The following RYK variants were observed in gnomAD, a reference collection of about 807,000 sequenced individuals.
RYK encodes the protein inactive tyrosine-protein kinase RYK.
Under a neutral mutation model 70.2 loss-of-function variants are expected in RYK, and 21 were observed. That is an observed-to-expected ratio of 0.30 (90% confidence interval 0.21 to 0.43). RYK has a LOEUF of 0.43. RYK is among the 20% of genes least tolerant of loss of function. The pLI is 1.00. For missense variants in RYK, 604 were observed against 753.3 expected, an observed-to-expected ratio of 0.80 and a Z score of 2.32; for synonymous variants, 267 against 278.0, an observed-to-expected ratio of 0.96 and a Z score of 0.39.
intron 1 of RYK, among the ~76,000 whole-genome samples, chr3:134,229,218 G>A (rs1471769522): frequency 6.6e-6 from 1 of 151,972 alleles, no homozygotes; most frequent in Admixed American, 6.6e-5. Flanking sequence ...CTGGGGCTCT[G>A]TCGCTCTTGC....
At chr3:134,177,580 T>G (rs545739103) in intron 11 of RYK, among the ~76,000 whole-genome samples, 9 of 152,320 alleles carry the variant, frequency 5.9e-5, no homozygotes, top group African/African-American at 2.2e-4. Context: ...TTTGGTATAG[T>G]ATGAACCAAA....
chr3:134,244,674 C>T (rs1220190749), intron 1 of RYK, among the ~76,000 whole-genome samples: 3 of 152,308 alleles, frequency 2.0e-5, no homozygotes, highest in South Asian at 2.1e-4. Flanking sequence ...TGTTTCAGAA[C>T]TTATACACTT....
At chr3:134,249,350 C>G (rs2015546901) in intron 1 of RYK, among the ~76,000 whole-genome samples, 1 of 152,142 alleles carries the variant, frequency 6.6e-6, no homozygotes, top group Non-Finnish European at 1.5e-5. Flanking sequence ...AATCTCAACA[C>G]ACCTCAACAA....
chr3:134,173,279 CAA>C (rs370721110), intron 13 of RYK, among the ~76,000 whole-genome samples: 1 of 125,842 alleles, frequency 7.9e-6, no homozygotes, highest in Admixed American at 7.9e-5. Context: ...GACTCTGTCT[CAA>C]AAAAAAAAAA....
At chr3:134,161,129 A>G (rs1397891606) in intron 13 of RYK, among the ~76,000 whole-genome samples, 2 of 152,226 alleles carry the variant, frequency 1.3e-5, no homozygotes, top group Non-Finnish European at 2.9e-5. Flanking sequence ...TTGACAGACT[A>G]TTTAAAGCAA....
chr3:134,224,237 G>A (rs2014819966), intron 1 of RYK, among the ~76,000 whole-genome samples: 1 of 152,124 alleles, frequency 6.6e-6, no homozygotes, highest in Admixed American at 6.5e-5. Context: ...AAGGGGGCAG[G>A]GTAAGGAGTG....
intron 3 of RYK, among the ~76,000 whole-genome samples, chr3:134,211,203 G>A (rs2107679465): frequency 6.6e-6 from 1 of 152,274 alleles, no homozygotes; most frequent in Middle Eastern, 3.4e-3. Context: ...CTGGGCCACA[G>A]GGTGAAATGT....
intron 1 of RYK, among the ~76,000 whole-genome samples, chr3:134,229,329 C>G (rs987254214): frequency 3.3e-5 from 5 of 149,888 alleles, no homozygotes; most frequent in Non-Finnish European, 5.9e-5. Flanking sequence ...TCTCTTTCCC[C>G]CAACCCCTTC....
At chr3:134,226,920 A>G (rs986496819) in intron 1 of RYK, among the ~76,000 whole-genome samples, 34 of 152,178 alleles carry the variant, frequency 2.2e-4, no homozygotes, top group Non-Finnish European at 4.1e-4. Context: ...GTCCACTTCC[A>G]CAACTTCCAT....
intron 13 of RYK, among the ~76,000 whole-genome samples, chr3:134,160,324 AG>A (rs2012414431): frequency 6.6e-6 from 1 of 152,088 alleles, no homozygotes; most frequent in Admixed American, 6.6e-5. Context: ...TATTTTAATG[AG>A]TAAAAGAGAA....
intron 13 of RYK, among the ~76,000 whole-genome samples, chr3:134,164,466 A>G (rs141162288): frequency 6.6e-6 from 1 of 152,272 alleles, no homozygotes; most frequent in East Asian, 1.9e-4. Context: ...GCTTTCTGTC[A>G]CTAGATAGTT....
intron 1 of RYK, among the ~76,000 whole-genome samples, chr3:134,231,990 A>G (rs573152000): frequency 6.6e-6 from 1 of 151,836 alleles, no homozygotes; most frequent in Non-Finnish European, 1.5e-5. Context: ...TTATTCCTCA[A>G]CTCCAACAAT....
intron 5 of RYK, among the ~76,000 whole-genome samples, chr3:134,206,007 C>G (rs1304445259): frequency 6.6e-6 from 1 of 152,142 alleles, no homozygotes; most frequent in Non-Finnish European, 1.5e-5. Context: ...CAGTACTGCT[C>G]TTTGTGAGAA....
At chr3:134,235,077 T>G (rs982755841) in intron 1 of RYK, among the ~76,000 whole-genome samples, 2 of 152,076 alleles carry the variant, frequency 1.3e-5, no homozygotes, top group African/African-American at 4.8e-5. Flanking sequence ...AATCAATTTC[T>G]TAAAGGAAAA....
At chr3:134,227,689 A>G (rs1401903829) in intron 1 of RYK, among the ~76,000 whole-genome samples, 1 of 151,760 alleles carries the variant, frequency 6.6e-6, no homozygotes, top group Non-Finnish European at 1.5e-5. Context: ...ATTTTTTTTT[A>G]AGATGAGTCT....
At chr3:134,159,214 C>G in intron 14 of RYK, 23 bp downstream of exon 14, 3 of 1,612,776 alleles carry the variant, frequency 1.9e-6, no homozygotes, top group South Asian at 1.1e-5. Flanking sequence ...AAAACTCATG[C>G]CTTCAAGCTC....
rs1163209795 is a variant in RYK at position 134,223,274 on chromosome 3, T to C, written c.233-735A>G. Among the ~76,000 whole-genome samples, 6 of 152,216 alleles carry C rather than the reference T, an allele frequency of 3.9e-5. No individual in the cohort carries two copies. The East Asian group carries it at 5.8e-4, about 15-fold the overall frequency. On this transcript the variant is annotated intron_variant, in intron 1 of 14. Transcript: ENST00000623711. The stretch of plus-strand genomic sequence containing the variant: ...GACTCCGAAGTTTCACTCACTCCCA[T>C]ACCACCTTCTCAGCCAGGGCACATA...
intron 10 of RYK, chr3:134,180,338 A>G (rs1303181886): frequency 6.6e-6 from 1 of 152,230 alleles, no homozygotes; most frequent in African/African-American, 2.4e-5. Flanking sequence ...CATAAATTCC[A>G]GTGGAAAAAT....
chr3:134,236,462 G>C (rs533578203), intron 1 of RYK, among the ~76,000 whole-genome samples: 1 of 152,244 alleles, frequency 6.6e-6, no homozygotes, highest in South Asian at 2.1e-4. Context: ...CCATGTTCAT[G>C]GACTGGAAGA....
Sources: allele counts gnomAD v4.1 joint callset (sites outside exome capture counted in the v4.1 genomes callset), GRCh38; gene constraint gnomAD v4.1.1; transcripts MANE v1.5; gene names NCBI Gene and HGNC (gene_info 2026-07-23, HGNC 2026-07-21).